WDPCP: variants seen among roughly 807,000 people sequenced by gnomAD.
The protein encoded by WDPCP is WD repeat containing planar cell polarity effector, also known as WD repeat-containing and planar cell polarity effector protein fritz homolog.
Under a neutral mutation model 93.1 loss-of-function variants are expected in WDPCP, and 71 were observed. That is an observed-to-expected ratio of 0.76 (90% CI 0.63 to 0.93). The LOEUF is 0.93. Among genes scored for constraint, WDPCP ranks in the 40% least tolerant of loss-of-function variants. WDPCP has a pLI of 0.00. For missense variants in WDPCP, 844 were observed against 887.4 expected (o/e 0.95, Z 0.62); for synonymous variants, 315 against 315.0 (o/e 1.00, Z 0.00).
At position 63,569,662 on chromosome 2, in the gene WDPCP, C is replaced by A. The variant is rs138230810; in HGVS notation, c.75+18535G>T. ...TTCCTCACAAACATTTGCTAACTCA[C>A]GTGGGCAAGGGCTCAGTGGGTCAGA... On this transcript the variant is annotated intron_variant, in intron 1 of 17. Coordinates refer to ENST00000272321, the MANE Select transcript of WDPCP (RefSeq NM_015910.7). Among the ~76,000 whole-genome samples the A allele has an allele frequency of 2.3e-3, 352 of 152,282 alleles. 1 individual carries two copies. Among genetic ancestry groups the A allele is most frequent in the Non-Finnish European group, 3.9e-3 (265 of 68,020 alleles).
intron 2 of WDPCP, among the ~76,000 whole-genome samples, chr2:63,796,658 A>T (rs1036359276): frequency 3.9e-5 from 6 of 152,246 alleles, no homozygotes; most frequent in African/African-American, 1.4e-4. Context: ...CCACAGAGGG[A>T]GCAGCCCCAG....
At chr2:63,257,798 T>G (rs1333402816) in intron 14 of WDPCP, among the ~76,000 whole-genome samples, 2 of 152,172 alleles carry the variant, frequency 1.3e-5, no homozygotes, top group African/African-American at 4.8e-5. Flanking sequence ...CTCTTCACAT[T>G]CTCTTTCACT....
At chr2:63,572,703 A>AAAAAAAAAAAAAAAAAAAAAAC (rs1707616498) in intron 1 of WDPCP, among the ~76,000 whole-genome samples, 1 of 94,010 alleles carries the variant, frequency 1.1e-5, no homozygotes, top group Non-Finnish European at 2.9e-5. Context: ...CTCTGTCTCA[A>AAAAAAAAAAAAAAAAAAAAAAC]AAAAAAAAAA....
chr2:63,454,257 G>T (rs116004596), intron 6 of WDPCP, among the ~76,000 whole-genome samples: 2,439 of 150,988 alleles, frequency 0.016, 74 homozygotes, highest in African/African-American at 0.056. Flanking sequence ...TGACAAGGAT[G>T]GAAAACCAAA....
chr2:63,144,901 G>T (rs906420534), intron 17 of WDPCP, among the ~76,000 whole-genome samples: 16 of 152,194 alleles, frequency 1.1e-4, no homozygotes, highest in African/African-American at 3.6e-4. Flanking sequence ...CAGAGGGAAG[G>T]TTTAGGGCTG....
At chr2:63,703,055 C>T (rs1211291215) in intron 2 of WDPCP, among the ~76,000 whole-genome samples, 1 of 152,138 alleles carries the variant, frequency 6.6e-6, no homozygotes, top group Middle Eastern at 3.2e-3. Context: ...ATGAACTCAT[C>T]ATTTTTTATG....
intron 12 of WDPCP, among the ~76,000 whole-genome samples, chr2:63,328,615 G>A (rs1033780264): frequency 2.6e-5 from 4 of 152,090 alleles, no homozygotes; most frequent in Non-Finnish European, 4.4e-5. Context: ...GAGCGTCCGC[G>A]GCTTCATTCT....
intron 9 of WDPCP, among the ~76,000 whole-genome samples, chr2:63,415,077 G>T (rs1026143749): frequency 3.9e-5 from 6 of 152,096 alleles, no homozygotes; most frequent in Non-Finnish European, 8.8e-5. Context: ...TACCATAAAA[G>T]TTTAAAGATT....
intron 14 of WDPCP, among the ~76,000 whole-genome samples, chr2:63,253,239 TTAATTAAA>T (rs1368032321): frequency 6.6e-6 from 1 of 152,094 alleles, no homozygotes; most frequent in Non-Finnish European, 1.5e-5. Flanking sequence ...TAACTTAAGA[TTAATTAAA>T]TAATTAAATG....
intron 1 of WDPCP, among the ~76,000 whole-genome samples, chr2:63,499,287 T>C (rs1701405781): frequency 6.6e-6 from 1 of 152,146 alleles, no homozygotes; most frequent in African/African-American, 2.4e-5. Context: ...ATTAGAAAGA[T>C]GCAAGGCTTA....
At chr2:63,561,319 A>T (rs1289067524) in intron 1 of WDPCP, among the ~76,000 whole-genome samples, 1 of 152,126 alleles carries the variant, frequency 6.6e-6, no homozygotes, top group Non-Finnish European at 1.5e-5. Context: ...TCTACTAAAA[A>T]TACAAAAAAC....
chr2:63,287,381 A>G (rs866426402), intron 13 of WDPCP, among the ~76,000 whole-genome samples: 2 of 151,872 alleles, frequency 1.3e-5, no homozygotes, highest in South Asian at 2.1e-4. Flanking sequence ...TTTAATCAGT[A>G]TCCACTTATT....
chr2:63,694,959 G>A (rs992669026), intron 2 of WDPCP, among the ~76,000 whole-genome samples: 1 of 152,154 alleles, frequency 6.6e-6, no homozygotes, highest in African/African-American at 2.4e-5. Context: ...GTGAAATAGG[G>A]AGGAAATAGT....
intron 2 of WDPCP, among the ~76,000 whole-genome samples, chr2:63,765,530 G>A (rs1374658434): frequency 6.6e-6 from 1 of 152,200 alleles, no homozygotes; most frequent in Non-Finnish European, 1.5e-5. Context: ...GGCCTTGAGG[G>A]GCTTGGTAAA....
intron 1 of WDPCP, among the ~76,000 whole-genome samples, chr2:63,581,289 G>C (rs925841930): frequency 1.9e-4 from 29 of 152,210 alleles, no homozygotes; most frequent in Admixed American, 1.9e-3. Context: ...AACTGGAGAA[G>C]ACAAGGTAGT....
chr2:63,735,091 A>T (rs1454487069), intron 2 of WDPCP, among the ~76,000 whole-genome samples: 1 of 152,340 alleles, frequency 6.6e-6, no homozygotes, highest in Admixed American at 6.5e-5. Context: ...CTTGAGGGCT[A>T]CAAATACAGA....
At chr2:63,751,582 G>T in intron 2 of WDPCP, 1 of 444,746 alleles carries the variant, frequency 2.2e-6, no homozygotes, top group African/African-American at 2.0e-5. Flanking sequence ...TAGCAGCTAG[G>T]CCCTGCCACC....
chr2:63,281,977 A>T (rs1250878928), intron 13 of WDPCP, among the ~76,000 whole-genome samples: 1 of 143,936 alleles, frequency 6.9e-6, no homozygotes, highest in African/African-American at 2.5e-5. Flanking sequence ...CTATTGAAAT[A>T]AAAAAAAAAT....
intron 1 of WDPCP, among the ~76,000 whole-genome samples, chr2:63,822,888 A>C (rs566485664): frequency 1.9e-4 from 29 of 150,670 alleles, no homozygotes; most frequent in Non-Finnish European, 4.0e-4. Context: ...TATTTGGTAT[A>C]TATATATTCA....
Sources: allele counts gnomAD v4.1 joint callset (sites outside exome capture counted in the v4.1 genomes callset), GRCh38; gene constraint gnomAD v4.1.1; transcripts MANE v1.5; gene names NCBI Gene and HGNC (gene_info 2026-07-23, HGNC 2026-07-21).